The following ALDH8A1 variants were observed in gnomAD, a reference collection of about 807,000 sequenced individuals.
ALDH8A1 encodes the protein 2-aminomuconic semialdehyde dehydrogenase.
In ALDH8A1, 39 loss-of-function variants were observed where a neutral mutation model predicts 43.3. That is an observed-to-expected ratio of 0.90 (90% CI 0.70 to 1.18). The LOEUF (loss-of-function observed/expected upper bound fraction) is 1.18, where lower values mean the gene tolerates loss of function less well. Ranked by LOEUF, ALDH8A1 falls within the 50% of genes most tolerant of loss-of-function variation. The probability of loss-of-function intolerance (pLI) is 0.00; values close to 1 mark genes in which losing one functional copy is unlikely to be tolerated. For missense variants in ALDH8A1, 605 were observed against 622.6 expected, an observed-to-expected ratio of 0.97 and a Z score of 0.30; for synonymous variants, 233 against 243.5, an observed-to-expected ratio of 0.96 and a Z score of 0.40.
chr6:134,942,280 A>T, intron 3 of ALDH8A1, 129 bp downstream of exon 3: 1 of 1,206,898 alleles, frequency 8.3e-7, no homozygotes, highest in Non-Finnish European at 1.1e-6. Context: ...TTTGAGGCCA[A>T]TGGATTTTAG....
chr6:134,928,378 C>A (rs1041463454), intron 6 of ALDH8A1, among the ~76,000 whole-genome samples: 2 of 152,192 alleles, frequency 1.3e-5, no homozygotes, highest in East Asian at 3.8e-4. Context: ...TACAAACTTA[C>A]GTAAATGCTC....
chr6:134,933,260 T>C (rs1042654833), intron 4 of ALDH8A1, among the ~76,000 whole-genome samples: 1 of 152,202 alleles, frequency 6.6e-6, no homozygotes, highest in Non-Finnish European at 1.5e-5. Context: ...GGGATTCCAC[T>C]GGATGCTTTG....
intron 3 of ALDH8A1, 52 bp from the exon 4 acceptor site, chr6:134,939,467 G>T: frequency 6.3e-7 from 1 of 1,581,824 alleles, no homozygotes. Flanking sequence ...CCTCTGAGGT[G>T]GACTGGCCAA....
chr6:134,948,881 TG>T (rs1461304741), intron 1 of ALDH8A1, among the ~76,000 whole-genome samples: 1 of 152,180 alleles, frequency 6.6e-6, no homozygotes, highest in Non-Finnish European at 1.5e-5. Context: ...CAAGGAAGAG[TG>T]GAAAACACAA....
intron 6 of ALDH8A1, among the ~76,000 whole-genome samples, chr6:134,926,456 C>T (rs1169112611): frequency 6.6e-6 from 1 of 152,224 alleles, no homozygotes; most frequent in East Asian, 1.9e-4. Context: ...CCACCTCAGC[C>T]TTCCAAACTG....
intron 6 of ALDH8A1, among the ~76,000 whole-genome samples, chr6:134,925,207 G>T (rs1277839500): frequency 6.6e-6 from 1 of 152,142 alleles, no homozygotes; most frequent in Non-Finnish European, 1.5e-5. Flanking sequence ...AAAACTACTT[G>T]TGACGTAAGC....
At chr6:134,936,521 G>A (rs903899868) in intron 4 of ALDH8A1, among the ~76,000 whole-genome samples, 4 of 152,206 alleles carry the variant, frequency 2.6e-5, no homozygotes, top group Admixed American at 2.0e-4. Flanking sequence ...GGGTGGATGG[G>A]GTGTGGGGCA....
At chr6:134,919,638 G>A (rs1431853131) in intron 6 of ALDH8A1, among the ~76,000 whole-genome samples, 1 of 151,818 alleles carries the variant, frequency 6.6e-6, no homozygotes, top group African/African-American at 2.4e-5. Flanking sequence ...TACCCCAAGA[G>A]GTATTATAAG....
chr6:134,925,812 G>T (rs182138509), intron 6 of ALDH8A1, among the ~76,000 whole-genome samples: 44 of 152,262 alleles, frequency 2.9e-4, no homozygotes, highest in Admixed American at 7.2e-4. Context: ...ATATAGGGTA[G>T]GCAGGAAAGC....
At chr6:134,922,379 C>T (rs1184389659) in intron 6 of ALDH8A1, among the ~76,000 whole-genome samples, 1 of 152,082 alleles carries the variant, frequency 6.6e-6, no homozygotes. Flanking sequence ...AGTGAATAAC[C>T]TTGAATAACT....
chr6:134,932,915 T>A lies in ALDH8A1; in HGVS notation c.710A>T (p.Glu237Val). ...ISFTGSQPTA[E>V]RITQLSAPHC... ...GGGAGCGCTCAGCTGGGTGATCCGC[T>A]CAGCGGTGGGCTGGCTCCCGGTGAA... is the stretch of plus-strand genomic sequence containing the variant. Residue 237 changes from glutamate to valine, a missense_variant, in exon 5 of 7, where the codon GAG becomes GTG. Physicochemically the swap from Glu to Val is moderately radical, Grantham distance 121 (BLOSUM62 -2). Transcript: ENST00000265605. 6.2e-7 allele frequency: 1 copy of A among 1,614,176 alleles called. No individual in the cohort carries two copies. The highest frequency in any genetic ancestry group is 8.5e-7 in the Non-Finnish European group (1 of 1,180,040).
chr6:134,947,832 A>G lies in ALDH8A1; in HGVS notation c.138+2084T>C, dbSNP rs1012680487. 7.9e-5 allele frequency among the ~76,000 whole-genome samples: 11 copies of G among 139,194 alleles called. No individual in the cohort carries two copies. The South Asian group carries it at 2.6e-3, about 33-fold the overall frequency. 91.3% of individuals were successfully genotyped at this position (139,194 alleles called of 152,430 possible). On this transcript the variant is annotated intron_variant, in intron 1 of 6. Transcript: ENST00000265605. ...TTAGTGCAGCCATTATGGAAAACGC[A>G]TGTAGGTTTCTCAAAAAAAAAAAAA... is the stretch of plus-strand genomic sequence containing the variant.
At chr6:134,933,902 T>A (rs1469764773) in intron 4 of ALDH8A1, among the ~76,000 whole-genome samples, 1 of 152,030 alleles carries the variant, frequency 6.6e-6, no homozygotes, top group Non-Finnish European at 1.5e-5. Flanking sequence ...AGAGAGGGGA[T>A]TTCATCATGT....
At chr6:134,934,618 A>C (rs903121641) in intron 4 of ALDH8A1, among the ~76,000 whole-genome samples, 1 of 152,136 alleles carries the variant, frequency 6.6e-6, no homozygotes, top group Middle Eastern at 3.2e-3. Flanking sequence ...CACGTGATCC[A>C]GAATTCATGT....
intron 4 of ALDH8A1, among the ~76,000 whole-genome samples, chr6:134,933,816 C>T (rs1773674467): frequency 6.6e-6 from 1 of 152,180 alleles, no homozygotes; most frequent in Admixed American, 6.5e-5. Context: ...TCAAGAGATT[C>T]TCCTGCCTCA....
rs533778938 is a variant in ALDH8A1, at chr6:134,929,670, G to C, written c.850-455C>G. Reference sequence around the variant, plus strand: ...AATGAACTGGTGTGCATGAGGAAAAGCAAGAAGGTGGGTGGGGCTGAGGCT... The same window carrying C: ...AATGAACTGGTGTGCATGAGGAAAACCAAGAAGGTGGGTGGGGCTGAGGCT... On this transcript the variant is annotated intron_variant, in intron 5 of 6. Transcript: ENST00000265605. 2.0e-5 allele frequency among the ~76,000 whole-genome samples: 3 copies of C among 152,266 alleles called. No homozygotes were observed. In the East Asian group the frequency reaches 5.8e-4, roughly 29 times the overall value.
chr6:134,933,572 A>G (rs1175074843), intron 4 of ALDH8A1, among the ~76,000 whole-genome samples: 1 of 152,164 alleles, frequency 6.6e-6, no homozygotes, highest in African/African-American at 2.4e-5. Context: ...GCTTATAAAT[A>G]GCATCATAAC....
chr6:134,944,019 G>A, intron 1 of ALDH8A1, 53 bp from the exon 2 acceptor site: 1 of 1,560,810 alleles, frequency 6.4e-7, no homozygotes, highest in Non-Finnish European at 8.7e-7. Flanking sequence ...AGTCCTTGGG[G>A]GATGGACAAA....
At chr6:134,919,277 T>C (rs1390224056) in intron 6 of ALDH8A1, among the ~76,000 whole-genome samples, 1 of 152,236 alleles carries the variant, frequency 6.6e-6, no homozygotes, top group Non-Finnish European at 1.5e-5. Flanking sequence ...CACTCAGGTA[T>C]ATTCTGTAGT....
Sources: gnomAD v4.1 joint callset for allele counts (sites outside exome capture counted in the v4.1 genomes callset) on GRCh38, gnomAD v4.1.1 for gene constraint, MANE v1.5 for transcripts, NCBI Gene and HGNC (gene_info 2026-07-23, HGNC 2026-07-21) for gene names.